The following CCDC178 variants were observed in gnomAD, a reference collection of about 807,000 sequenced individuals.
CCDC178 encodes the protein coiled-coil domain-containing protein 178.
In CCDC178, 126 loss-of-function variants were observed where a neutral mutation model predicts 117.4. The observed-to-expected ratio is 1.07, with a 90% CI of 0.93 to 1.24. The LOEUF (loss-of-function observed/expected upper bound fraction) is 1.24, where lower values mean the gene tolerates loss of function less well. Among genes scored for constraint, CCDC178 ranks in the 50% most tolerant of loss-of-function variants. CCDC178 has a pLI of 0.00. For missense variants in CCDC178, 1,030 were observed against 986.9 expected (o/e 1.04, Z -0.59); for synonymous variants, 283 against 313.4 (o/e 0.90, Z 1.02).
At chr18:33,120,114 A>G (rs781264249) in intron 20 of CCDC178, among the ~76,000 whole-genome samples, 24 of 152,176 alleles carry the variant, frequency 1.6e-4, no homozygotes, top group Middle Eastern at 6.8e-3. Context: ...CAGCCCACCA[A>G]CATGGCACAT....
At chr18:33,224,712 CATGCG>C in intron 17 of CCDC178, 58 bp downstream of exon 17, 1 of 1,049,736 alleles carries the variant, frequency 9.5e-7, no homozygotes, top group Non-Finnish European at 1.3e-6. Context: ...TGTAAAATCA[CATGCG>C]TAACTTACTA....
At chr18:33,369,572 C>A (rs2063268086) in intron 6 of CCDC178, among the ~76,000 whole-genome samples, 2 of 151,930 alleles carry the variant, frequency 1.3e-5, no homozygotes, top group Non-Finnish European at 2.9e-5. Context: ...GAACTCCCTT[C>A]AGAATAATAA....
intron 21 of CCDC178, among the ~76,000 whole-genome samples, chr18:33,072,113 C>T (rs1477062509): frequency 6.6e-6 from 1 of 152,076 alleles, no homozygotes; most frequent in East Asian, 1.9e-4. Flanking sequence ...CATTAAGATA[C>T]TCCCTTCTAA....
intron 22 of CCDC178, among the ~76,000 whole-genome samples, chr18:32,940,273 G>A (rs907366942): frequency 1.3e-5 from 2 of 151,886 alleles, no homozygotes; most frequent in African/African-American, 4.8e-5. Context: ...TTATAATTCT[G>A]TGAATGTTTG....
intron 21 of CCDC178, among the ~76,000 whole-genome samples, chr18:33,045,433 T>C (rs1284923894): frequency 2.0e-5 from 3 of 152,178 alleles, no homozygotes; most frequent in African/African-American, 7.2e-5. Context: ...GGGTGCTTAA[T>C]AGATATTTGC....
intron 2 of CCDC178, among the ~76,000 whole-genome samples, chr18:33,416,271 C>T (rs959500094): frequency 6.6e-6 from 1 of 151,896 alleles, no homozygotes; most frequent in Non-Finnish European, 1.5e-5. Context: ...ACTAAAAATA[C>T]AAAAAATTAG....
intron 22 of CCDC178, chr18:32,957,657 T>G (rs2144649101): frequency 6.6e-6 from 1 of 152,290 alleles, no homozygotes; most frequent in East Asian, 1.9e-4. Context: ...ATTATAGATT[T>G]TGTAAGAAAT....
chr18:32,939,873 A>G (rs1175399753), intron 22 of CCDC178, among the ~76,000 whole-genome samples: 1 of 152,162 alleles, frequency 6.6e-6, no homozygotes, highest in Non-Finnish European at 1.5e-5. Context: ...TTATAAATAT[A>G]TAGATAGACT....
At chr18:33,039,604 A>G (rs577861997) in intron 21 of CCDC178, among the ~76,000 whole-genome samples, 16 of 152,128 alleles carry the variant, frequency 1.1e-4, no homozygotes, top group African/African-American at 3.4e-4. Context: ...AAATACTTGC[A>G]GAAAGTTTGA....
intron 20 of CCDC178, among the ~76,000 whole-genome samples, chr18:33,198,348 G>A (rs531854752): frequency 6.6e-6 from 1 of 152,176 alleles, no homozygotes; most frequent in South Asian, 2.1e-4. Context: ...GAAACGTATA[G>A]TAACTAAAAA....
chr18:33,176,688 T>G (rs2058667978), intron 20 of CCDC178, among the ~76,000 whole-genome samples: 1 of 152,196 alleles, frequency 6.6e-6, no homozygotes, highest in East Asian at 1.9e-4. Flanking sequence ...ACCAACTCTA[T>G]CATTTCAATT....
At chr18:33,077,180 A>T (rs1380882191) in intron 21 of CCDC178, among the ~76,000 whole-genome samples, 1 of 152,232 alleles carries the variant, frequency 6.6e-6, no homozygotes, top group African/African-American at 2.4e-5. Context: ...CTGTATATGG[A>T]TAATGAGTTG....
At chr18:33,198,282 A>G (rs1048176183) in intron 20 of CCDC178, among the ~76,000 whole-genome samples, 5 of 152,018 alleles carry the variant, frequency 3.3e-5, no homozygotes, top group Admixed American at 6.6e-5. Flanking sequence ...CTCTCTCTCT[A>G]TCTATCTCCC....
intron 21 of CCDC178, among the ~76,000 whole-genome samples, chr18:33,080,798 A>C (rs945116585): frequency 6.6e-6 from 1 of 152,316 alleles, no homozygotes; most frequent in Admixed American, 6.5e-5. Flanking sequence ...AACATTTATG[A>C]TATGGTTGGT....
chr18:33,386,044 A>C (rs1056166780), intron 5 of CCDC178, among the ~76,000 whole-genome samples: 3 of 151,934 alleles, frequency 2.0e-5, no homozygotes, highest in Non-Finnish European at 2.9e-5. Context: ...AGAAATACAA[A>C]CAACCATCAG....
At position 33,294,384 on chromosome 18, in the gene CCDC178, G is replaced by C. The variant is rs1288381650; in HGVS notation, c.1023-1072C>G. 3.3e-5 allele frequency among the ~76,000 whole-genome samples: 5 copies of C among 152,076 alleles called. No homozygotes were observed. The South Asian group carries it at 1.0e-3, about 32-fold the overall frequency. ...GGAGATTTATTTGAAACCCACATAA[G>C]AGTAAAACGTTTATATGTAATAAAC... On this transcript the variant is annotated intron_variant, in intron 11 of 22. Coordinates refer to ENST00000383096, the MANE Select transcript of CCDC178 (RefSeq NM_001105528.4).
intron 10 of CCDC178, among the ~76,000 whole-genome samples, chr18:33,329,437 G>A (rs1043934825): frequency 1.3e-5 from 2 of 152,062 alleles, no homozygotes; most frequent in African/African-American, 4.8e-5. Flanking sequence ...TTACAAAAAT[G>A]TCCTTATTCA....
chr18:33,198,748 T>C (rs1568050220), intron 20 of CCDC178, among the ~76,000 whole-genome samples: 2 of 152,182 alleles, frequency 1.3e-5, no homozygotes. Context: ...GTCTTGGTAG[T>C]CCCAGTAACT....
intron 20 of CCDC178, among the ~76,000 whole-genome samples, chr18:33,122,363 T>C (rs971586399): frequency 6.6e-6 from 1 of 152,112 alleles, no homozygotes; most frequent in Non-Finnish European, 1.5e-5. Context: ...ATCAGAAATA[T>C]TGATACCTGC....
Sources: allele counts gnomAD v4.1 joint callset (sites outside exome capture counted in the v4.1 genomes callset), GRCh38; gene constraint gnomAD v4.1.1; transcripts MANE v1.5; gene names NCBI Gene and HGNC (gene_info 2026-07-23, HGNC 2026-07-21).